Variants in RORA observed in about 807,000 individuals in gnomAD.
RORA encodes the protein nuclear receptor ROR-alpha.
Under a neutral mutation model 69.5 loss-of-function variants are expected in RORA, and 7 were observed. The ratio of observed to expected loss-of-function variants is 0.10; its 90% confidence interval spans 0.06 to 0.19. The LOEUF (loss-of-function observed/expected upper bound fraction) is 0.19, where lower values mean the gene tolerates loss of function less well. RORA is among the 10% of genes least tolerant of loss of function. The pLI, the probability that RORA is intolerant of heterozygous loss-of-function variation, is 1.00. For missense variants in RORA, 457 were observed against 663.0 expected (o/e 0.69, Z 3.41); for synonymous variants, 261 against 240.8 (o/e 1.08, Z -0.78).
intron 2 of RORA, among the ~76,000 whole-genome samples, chr15:60,669,310 A>G (rs1003266813): frequency 1.3e-5 from 2 of 150,664 alleles, no homozygotes; most frequent in Non-Finnish European, 3.0e-5. Flanking sequence ...CTCTTTTCGG[A>G]CCAGATCTCT....
intron 1 of RORA, among the ~76,000 whole-genome samples, chr15:60,729,119 G>A (rs1209439647): frequency 2.0e-5 from 3 of 152,186 alleles, no homozygotes; most frequent in South Asian, 4.1e-4. Flanking sequence ...TTACCTCCCC[G>A]TTTTTGGTGT....
intron 2 of RORA, among the ~76,000 whole-genome samples, chr15:60,647,967 C>T (rs1326890890): frequency 1.3e-5 from 2 of 152,138 alleles, no homozygotes; most frequent in Admixed American, 6.6e-5. Flanking sequence ...GACCAGGTGG[C>T]TGTGAAGAGG....
intron 1 of RORA, among the ~76,000 whole-genome samples, chr15:60,890,182 A>T (rs2073798177): frequency 6.6e-6 from 1 of 152,198 alleles, no homozygotes; most frequent in Non-Finnish European, 1.5e-5. Flanking sequence ...CTGATGTTAG[A>T]GCTGAAGGCA....
At chr15:61,146,671 TAAGAA>T (rs2079352953) in intron 1 of RORA, among the ~76,000 whole-genome samples, 2 of 152,198 alleles carry the variant, frequency 1.3e-5, no homozygotes, top group South Asian at 2.1e-4. Context: ...AGTGTCTGCC[TAAGAA>T]AAGCAACAAA....
At chr15:60,954,770 A>G (rs1893218460) in intron 1 of RORA, among the ~76,000 whole-genome samples, 1 of 152,190 alleles carries the variant, frequency 6.6e-6, no homozygotes, top group African/African-American at 2.4e-5. Context: ...CTAGACTCCA[A>G]GACCAGTTAT....
In RORA at chr15:60,493,638, A is replaced by T. The variant is rs1056210635; in HGVS notation, c.*3817T>A. On this transcript the variant is annotated 3_prime_UTR_variant, in exon 11 of 11. Transcript: ENST00000335670. ...AAATTCCATCAAGAAAATAATACAA[A>T]GTTTGTTTGTTTGTATTTTTTTTTT... The T allele has an allele frequency of 1.3e-5, 2 of 152,052 alleles. No individual in the cohort carries two copies. Among genetic ancestry groups the T allele is most frequent in the Non-Finnish European group, 2.9e-5 (2 of 67,994 alleles). 9.4% of individuals were successfully genotyped at this position (152,052 alleles called of 1,614,324 possible).
chr15:61,062,941 A>T (rs1168039454), intron 1 of RORA, among the ~76,000 whole-genome samples: 2 of 152,182 alleles, frequency 1.3e-5, no homozygotes, highest in Non-Finnish European at 2.9e-5. Context: ...CTAAGTTATG[A>T]TAATCTGAAA....
intron 1 of RORA, among the ~76,000 whole-genome samples, chr15:61,035,809 G>A (rs1428906886): frequency 5.3e-5 from 8 of 152,120 alleles, no homozygotes; most frequent in African/African-American, 1.7e-4. Context: ...CTAAGCAACT[G>A]GGCAGAGAGA....
chr15:60,831,020 T>C (rs935681896), intron 1 of RORA, among the ~76,000 whole-genome samples: 3 of 152,202 alleles, frequency 2.0e-5, no homozygotes, highest in African/African-American at 4.8e-5. Context: ...GCTATGCACT[T>C]GTATAGTCAG....
chr15:61,198,675 C>CAAAAA (rs34291851), intron 1 of RORA, among the ~76,000 whole-genome samples: 1 of 139,514 alleles, frequency 7.2e-6, no homozygotes, highest in Admixed American at 7.1e-5. Context: ...TATATTCTCT[C>CAAAAA]AAAAAAAAAA....
At chr15:61,093,702 G>A (rs1259904280) in intron 1 of RORA, among the ~76,000 whole-genome samples, 6 of 152,226 alleles carry the variant, frequency 3.9e-5, no homozygotes, top group African/African-American at 1.4e-4. Context: ...AAGTGGTGGT[G>A]TGGCAAAGCT....
rs1277593457 is a variant in RORA at position 60,503,563 on chromosome 15, T to A, written c.1047A>T (p.Gln349His). The A allele has an allele frequency of 6.2e-7, 1 of 1,614,176 alleles. No individual in the cohort carries two copies. Among genetic ancestry groups the A allele is most frequent in the South Asian group, 1.1e-5 (1 of 91,078 alleles). ...KRIDGFMELC[Q>H]NDQIVLLKAG... ...CTTTTAGAAGCACAATTTGATCATT[T>A]TGACACAGTTCCATAAATCCATCAA... The change falls in exon 7 of 11, where the codon CAA becomes CAT. Residue 349 changes from glutamine (Q) to histidine (H), a missense_variant. Physicochemically the swap from Gln to His is conservative, Grantham distance 24 (BLOSUM62 0). Around this residue, in one of 3 missense-constraint regions of RORA, gnomAD observed 304 missense variants for 447.4 expected, o/e 0.68. Coordinates refer to ENST00000335670, the MANE Select transcript of RORA (RefSeq NM_134261.3).
intron 5 of RORA, among the ~76,000 whole-genome samples, chr15:60,507,763 T>G (rs1243551302): frequency 6.6e-6 from 1 of 152,084 alleles, no homozygotes; most frequent in Non-Finnish European, 1.5e-5. Context: ...ATGATGAAGA[T>G]GAAGAGTCTT....
intron 1 of RORA, among the ~76,000 whole-genome samples, chr15:60,702,699 T>G (rs182254849): frequency 6.6e-6 from 1 of 152,232 alleles, no homozygotes; most frequent in South Asian, 2.1e-4. Context: ...AAACAATGCA[T>G]GTGCAAGTGG....
At chr15:60,873,471 A>G (rs1160376185) in intron 1 of RORA, among the ~76,000 whole-genome samples, 1 of 152,240 alleles carries the variant, frequency 6.6e-6, no homozygotes, top group Non-Finnish European at 1.5e-5. Flanking sequence ...TACTTCTATT[A>G]GAATAATTTC....
chr15:60,955,502 T>C (rs1227637783), intron 1 of RORA, among the ~76,000 whole-genome samples: 3 of 152,216 alleles, frequency 2.0e-5, no homozygotes, highest in Non-Finnish European at 2.9e-5. Flanking sequence ...ATTCATAAGG[T>C]TACCCTGGCA....
intron 1 of RORA, among the ~76,000 whole-genome samples, chr15:60,986,237 C>T (rs8032485): frequency 0.24 from 36,021 of 151,552 alleles, 4,469 homozygotes; most frequent in East Asian, 0.35. Flanking sequence ...AGGTTCAAGC[C>T]ATTCTCCTGC....
At chr15:60,713,352 G>A (rs1026601418) in intron 1 of RORA, among the ~76,000 whole-genome samples, 2 of 152,160 alleles carry the variant, frequency 1.3e-5, no homozygotes, top group South Asian at 2.1e-4. Flanking sequence ...GAAAACCAAT[G>A]GCGCCTTTTA....
intron 1 of RORA, among the ~76,000 whole-genome samples, chr15:60,852,845 T>C (rs117188363): frequency 6.0e-5 from 9 of 150,476 alleles, no homozygotes; most frequent in South Asian, 2.1e-4. Context: ...ATAAATAATG[T>C]CATTTGAAAA....
Sources: allele counts gnomAD v4.1 joint callset (sites outside exome capture counted in the v4.1 genomes callset), GRCh38; gene constraint gnomAD v4.1.1; regional missense constraint gnomAD v4.1.1; transcripts MANE v1.5; gene names NCBI Gene and HGNC (gene_info 2026-07-23, HGNC 2026-07-21).